The following CREB3 variants were observed in gnomAD, a reference collection of about 807,000 sequenced individuals.
The protein encoded by CREB3 is cAMP responsive element binding protein 3.
A neutral mutation model predicts 34.5 loss-of-function variants in CREB3; 29 were observed. The ratio of observed to expected loss-of-function variants is 0.84; its 90% CI spans 0.63 to 1.15. The LOEUF is 1.15. CREB3 is among the 50% of genes most tolerant of loss of function. CREB3 has a pLI of 0.00. For missense variants in CREB3, 447 were observed against 443.4 expected (o/e 1.01, Z -0.07); for synonymous variants, 187 against 173.9 (o/e 1.08, Z -0.59).
Position 35,736,686 on chromosome 9 carries a change from G to A in CREB3, c.1076G>A (p.Gly359Asp). ...AGGAAGGGAGGATGGCTTCCTACTG[G>A]TAGCCCCTCTGTCATTTTGCAGGAC... is the stretch of plus-strand genomic sequence containing the variant. ...LTRKGGWLPT[G>D]SPSVILQDRY... Residue 359 changes from glycine to aspartate, a missense_variant, in exon 9 of 9, where the codon GGT becomes GAT. Physicochemically the swap from Gly to Asp is moderately conservative, Grantham distance 94. Coordinates refer to ENST00000353704, the MANE Select transcript of CREB3 (RefSeq NM_006368.5). 2 of 1,611,870 alleles carry A rather than the reference G, an allele frequency of 1.2e-6. No homozygotes were observed. Among genetic ancestry groups the A allele is most frequent in the Admixed American group, 3.3e-5 (2 of 60,028 alleles).
Position 35,733,301 on chromosome 9 carries a change from A to G in CREB3, c.345+19A>G, listed in dbSNP as rs367996067. The G allele has an allele frequency of 6.2e-6, 10 of 1,613,870 alleles. No homozygotes were observed. Among genetic ancestry groups the G allele is most frequent in the African/African-American group, 1.3e-5 (1 of 74,926 alleles). On this transcript the variant is annotated intron_variant, in intron 3 of 8. Transcript: ENST00000353704. The stretch of plus-strand genomic sequence containing the variant: ...AGAGCAGGTACTTGACTTGATTTTC[A>G]GGAGATTACTCTCACATTCCCCAGG...
At chr9:35,736,200 C>T (rs766232418) in intron 7 of CREB3, 27 bp from the exon 8 acceptor site, 11 of 1,613,058 alleles carry the variant, frequency 6.8e-6, no homozygotes, top group Non-Finnish European at 9.3e-6. Flanking sequence ...CAGAGCCCTT[C>T]TTCATCTCCT....
chr9:35,735,147 T>A lies in CREB3; in HGVS notation c.474T>A (p.Ile158=). The A allele has an allele frequency of 6.2e-7, 1 of 1,602,694 alleles. No homozygotes were observed. Among genetic ancestry groups the A allele is most frequent in the Non-Finnish European group, 8.5e-7 (1 of 1,177,374 alleles). ...EQILKRVRRK[I]RNKRSAQESR... ...TTCTGAAACGTGTGCGGAGGAAGAT[T>A]CGAAATAAAAGATCTGCTCAAGAGA... is the stretch of plus-strand genomic sequence containing the variant. The change falls in exon 5 of 9, where the codon ATT becomes ATA. Residue 158 remains isoleucine, a synonymous_variant. Coordinates refer to ENST00000353704, the MANE Select transcript of CREB3 (RefSeq NM_006368.5).
In CREB3 at chr9:35,735,960, A is replaced by C; in HGVS notation, c.612-88A>C. On this transcript the variant is annotated intron_variant, in intron 6 of 8. Coordinates refer to ENST00000353704, the MANE Select transcript of CREB3 (RefSeq NM_006368.5). The stretch of plus-strand genomic sequence containing the variant: ...GTAAGAGAGAGGATCCAGTGCAGAG[A>C]TGGAGGAGGTGGCCTGAACAGGAGT... The C allele has an allele frequency of 5.3e-6, 5 of 948,452 alleles. No homozygotes were observed. The South Asian group carries it at 6.6e-5, about 13-fold the overall frequency. 58.8% of individuals were successfully genotyped at this position (948,452 alleles called of 1,614,324 possible). A position where few individuals can be genotyped will look rare whatever the true frequency, so the allele number is the denominator to read the frequency against.
rs770265054 is a variant in CREB3 at position 35,736,028 on chromosome 9, T to C, written c.612-20T>C. ...TGCTAGGCCAGGGGATGCTCACTATTGGCCCCTCTCTTCCTCTAGGTCCCT... is the reference window on the plus strand; with the variant it reads ...TGCTAGGCCAGGGGATGCTCACTATCGGCCCCTCTCTTCCTCTAGGTCCCT... On this transcript the variant is annotated intron_variant, in intron 6 of 8. Transcript: ENST00000353704. 4 of 1,594,614 alleles carry C rather than the reference T, an allele frequency of 2.5e-6. No homozygotes were observed. Among genetic ancestry groups the C allele is most frequent in the Middle Eastern group, 3.3e-4 (2 of 6,022 alleles).
Position 35,733,239 on chromosome 9 carries a change from G to A in CREB3, c.302G>A (p.Gly101Glu), listed in dbSNP as rs1826125154. ...GAGAGTGAGAGCTGTAGAAAAGAGG[G>A]GACCCAGATGACTCCACAGCATATG... ...DLESESCRKE[G>E]TQMTPQHMEE... Residue 101 changes from glycine to glutamate, a missense_variant, in exon 3 of 9, where the codon GGG (glycine) becomes GAG (glutamate). Physicochemically the swap from Gly to Glu is moderately conservative, Grantham distance 98. Transcript: ENST00000353704. 1.2e-6 allele frequency: 2 copies of A among 1,614,028 alleles called. No homozygotes were observed. The highest frequency in any genetic ancestry group is 1.7e-6 in the Non-Finnish European group (2 of 1,180,030).
At position 35,732,985 on chromosome 9, in the gene CREB3, AC is replaced by A. The variant is rs779031585; in HGVS notation, c.130-8del. The A allele has an allele frequency of 2.5e-6, 4 of 1,613,774 alleles. No homozygotes were observed. In the Admixed American group the frequency reaches 5.0e-5, roughly 20 times the overall value. The stretch of plus-strand genomic sequence containing the variant: ...ATAAGGTCAAGGCCTGTTCATTGGA[AC>A]CCTGCGCAGGTACCGAGCGACTGGG... On this transcript the variant is annotated splice_polypyrimidine_tract_variant and intron_variant, in intron 1 of 8. Coordinates refer to ENST00000353704, the MANE Select transcript of CREB3 (RefSeq NM_006368.5). The surrounding 1 kb of genome is among the most constrained non-coding windows in gnomAD (Gnocchi z 5.1).
At chr9:35,733,313 T>C in intron 3 of CREB3, 31 bp downstream of exon 3, 1 of 1,613,422 alleles carries the variant, frequency 6.2e-7, no homozygotes, top group Non-Finnish European at 8.5e-7. Flanking sequence ...GAGATTACTC[T>C]CACATTCCCC....
rs761435988 is a variant in CREB3 at position 35,736,378 on chromosome 9, C to CT, written c.782-11dup. 4 of 1,613,310 alleles carry CT rather than the reference C, an allele frequency of 2.5e-6. No individual in the cohort carries two copies. In the East Asian group the frequency reaches 8.9e-5, roughly 36 times the overall value. On this transcript the variant is annotated splice_polypyrimidine_tract_variant and intron_variant, in intron 8 of 8. Transcript: ENST00000353704. The stretch of plus-strand genomic sequence containing the variant: ...AGGTCTGGGTTGGCCTCTGAAGATT[C>CT]TTTGTCTCCTCAGTGTTGTCCCGCC...
chr9:35,733,548 C>T, intron 4 of CREB3, 63 bp downstream of exon 4: 1 of 1,118,268 alleles, frequency 8.9e-7, no homozygotes. Flanking sequence ...TAGGCAAATT[C>T]TGTTAACTTT....
At position 35,735,318 on chromosome 9, in the gene CREB3, C is replaced by A; in HGVS notation, c.555C>A (p.Tyr185Ter). The change falls in exon 6 of 9, where the codon TAC becomes TAA. Residue 185 changes from tyrosine (Y) to a stop codon, truncating the protein, a stop_gained. Transcript: ENST00000353704. LOFTEE classifies it high-confidence loss of function. ...TTATTTCCCCCAGGGTCTTGAAATACACAGCCCAGAATATGGAGCTTCAGA... is the reference window on the plus strand; with the variant it reads ...TTATTTCCCCCAGGGTCTTGAAATAAACAGCCCAGAATATGGAGCTTCAGA... ...VGGLESRVLK[Y>*]TAQNMELQNK... The A allele has an allele frequency of 6.2e-7, 1 of 1,614,108 alleles. No homozygotes were observed. The highest frequency in any genetic ancestry group is 1.1e-5 in the South Asian group (1 of 91,086).
rs1363168389 is a variant in CREB3 at position 35,733,496 on chromosome 9, C to T, written c.435+11C>T. Reference sequence around the variant, plus strand: ...CTTCCTCTCACTAAGGTAAGACTCTCATTGGTTGAACAAAGGCTGAAAAGG... The same window carrying T: ...CTTCCTCTCACTAAGGTAAGACTCTTATTGGTTGAACAAAGGCTGAAAAGG... On this transcript the variant is annotated intron_variant, in intron 4 of 8. Coordinates refer to ENST00000353704, the MANE Select transcript of CREB3 (RefSeq NM_006368.5). 1.0e-5 allele frequency: 16 copies of T among 1,596,266 alleles called. No homozygotes were observed. The highest frequency in any genetic ancestry group is 4.5e-5 in the East Asian group (2 of 44,806).
At chr9:35,736,197 C>T (rs750109798) in intron 7 of CREB3, 30 bp from the exon 8 acceptor site, 1 of 1,613,404 alleles carries the variant, frequency 6.2e-7, no homozygotes, top group South Asian at 1.1e-5. Flanking sequence ...ATCCAGAGCC[C>T]TTCTTCATCT....
chr9:35,734,500 T>C (rs573052435), intron 4 of CREB3, among the ~76,000 whole-genome samples: 1 of 152,304 alleles, frequency 6.6e-6, no homozygotes, highest in South Asian at 2.1e-4. Flanking sequence ...TTAAAATAGC[T>C]AAACAGGGTT....
At chr9:35,734,793 A>G (rs1433879110) in intron 4 of CREB3, among the ~76,000 whole-genome samples, 23 of 151,978 alleles carry the variant, frequency 1.5e-4, no homozygotes, top group African/African-American at 2.4e-5. Context: ...AGGTCTCACT[A>G]TGTTGCTCAG....
chr9:35,734,271 G>T (rs1224792397), intron 4 of CREB3, among the ~76,000 whole-genome samples: 2 of 152,058 alleles, frequency 1.3e-5, no homozygotes, highest in African/African-American at 4.8e-5. Flanking sequence ...CAAAGTACAA[G>T]ATGAGTCAGC....
chr9:35,735,354 G>C lies in CREB3; in HGVS notation c.591G>C (p.Gln197His), dbSNP rs1301774260. ...AQNMELQNKV[Q>H]LLEEQNLSLL... ...ATATGGAGCTTCAGAACAAAGTACA[G>C]CTTCTGGAGGAACAGAATTTGTAAG... Residue 197 changes from glutamine to histidine, a missense_variant, in exon 6 of 9, where the codon CAG becomes CAC. By Grantham distance (24) the Gln-to-His change is conservative. Coordinates refer to ENST00000353704, the MANE Select transcript of CREB3 (RefSeq NM_006368.5). 1.9e-6 allele frequency: 3 copies of C among 1,614,086 alleles called. No homozygotes were observed. The African/African-American group carries it at 4.0e-5, about 22-fold the overall frequency.
chr9:35,734,418 C>G (rs1826157113), intron 4 of CREB3, among the ~76,000 whole-genome samples: 1 of 151,978 alleles, frequency 6.6e-6, no homozygotes, highest in Non-Finnish European at 1.5e-5. Context: ...AGGATGCAGT[C>G]TATCCTGAGA....
chr9:35,733,519 A>G (rs766480692), intron 4 of CREB3, 34 bp downstream of exon 4: 2 of 1,498,094 alleles, frequency 1.3e-6, no homozygotes, highest in East Asian at 2.3e-5. Flanking sequence ...AAGGCTGAAA[A>G]GGGATTAAAA....
Sources: gnomAD v4.1 joint callset for allele counts (sites outside exome capture counted in the v4.1 genomes callset) on GRCh38, gnomAD v4.1.1 for gene constraint, Gnocchi (gnomAD v3.1) non-coding constraint, MANE v1.5 for transcripts, NCBI Gene and HGNC (gene_info 2026-07-23, HGNC 2026-07-21) for gene names.